THSD7B: variants seen among roughly 807,000 people sequenced by gnomAD.
THSD7B encodes the protein thrombospondin type 1 domain containing 7B.
Under a neutral mutation model 213.6 loss-of-function variants are expected in THSD7B, and 138 were observed. That is an observed-to-expected ratio of 0.65 (90% CI 0.56 to 0.74). The LOEUF (loss-of-function observed/expected upper bound fraction) is 0.74, where lower values mean the gene tolerates loss of function less well. Ranked by LOEUF, THSD7B falls within the 30% of genes least tolerant of loss-of-function variation. The probability of loss-of-function intolerance (pLI) is 0.00; values close to 1 mark genes in which losing one functional copy is unlikely to be tolerated. For missense variants in THSD7B, 1,931 were observed against 1,991.5 expected, an observed-to-expected ratio of 0.97 and a Z score of 0.58; for synonymous variants, 742 against 687.0, an observed-to-expected ratio of 1.08 and a Z score of -1.25.
intron 7 of THSD7B, among the ~76,000 whole-genome samples, chr2:137,185,602 C>A (rs1452077353): frequency 6.6e-6 from 1 of 152,134 alleles, no homozygotes; most frequent in Non-Finnish European, 1.5e-5. Context: ...CATAGTATTC[C>A]ATGATGTATA....
chr2:136,944,849 C>T (rs1182408911), intron 2 of THSD7B, among the ~76,000 whole-genome samples: 2 of 151,900 alleles, frequency 1.3e-5, no homozygotes, highest in Non-Finnish European at 2.9e-5. Flanking sequence ...TCCAATTTGC[C>T]AGTCTGTGTC....
chr2:137,083,440 C>T (rs1416310933), intron 3 of THSD7B, among the ~76,000 whole-genome samples: 1 of 152,100 alleles, frequency 6.6e-6, no homozygotes, highest in Admixed American at 6.5e-5. Flanking sequence ...TGTTAAATTT[C>T]ACATTGCAGA....
chr2:136,923,786 A>AT (rs1202453437), intron 2 of THSD7B, among the ~76,000 whole-genome samples: 1 of 152,008 alleles, frequency 6.6e-6, no homozygotes, highest in Non-Finnish European at 1.5e-5. Flanking sequence ...TTCTTTACCT[A>AT]TTTTTTAATA....
rs533414914 is a variant in THSD7B at position 137,063,727 on chromosome 2, T to A, written c.950+6497T>A. Among the ~76,000 whole-genome samples the A allele has an allele frequency of 2.6e-5, 4 of 152,206 alleles. No homozygotes were observed. The East Asian group carries it at 5.8e-4, about 22-fold the overall frequency. ...GCCTCTATTCTCTAGCTCCATGAGT[T>A]CAATTGTTTTAATTTTTCGTTGTCA... On this transcript the variant is annotated intron_variant, in intron 3 of 27. Coordinates refer to ENST00000409968, the MANE Select transcript of THSD7B (RefSeq NM_001316349.2).
At chr2:136,921,647 A>G (rs1202586955) in intron 2 of THSD7B, among the ~76,000 whole-genome samples, 3 of 152,172 alleles carry the variant, frequency 2.0e-5, no homozygotes, top group Non-Finnish European at 4.4e-5. Context: ...CTTGATTTTC[A>G]AGGTGTTTTA....
chr2:137,297,752 C>T (rs1683501384), intron 12 of THSD7B, among the ~76,000 whole-genome samples: 1 of 152,010 alleles, frequency 6.6e-6, no homozygotes, highest in South Asian at 2.1e-4. Context: ...GATGGGTTTA[C>T]CAGGGGTTTC....
At chr2:137,547,004 C>T (rs1023095131) in intron 15 of THSD7B, among the ~76,000 whole-genome samples, 2 of 151,954 alleles carry the variant, frequency 1.3e-5, no homozygotes, top group African/African-American at 4.8e-5. Flanking sequence ...TTTGTCTGTT[C>T]CTCACTGTCT....
intron 10 of THSD7B, among the ~76,000 whole-genome samples, chr2:137,254,798 T>C (rs936261567): frequency 2.6e-5 from 4 of 152,158 alleles, no homozygotes; most frequent in African/African-American, 9.7e-5. Context: ...GTAGGATTCA[T>C]GACTATTTAA....
chr2:136,773,723 T>C (rs1009150932), intron 1 of THSD7B, among the ~76,000 whole-genome samples: 3 of 152,094 alleles, frequency 2.0e-5, no homozygotes, highest in African/African-American at 7.2e-5. Flanking sequence ...TATTAACGAC[T>C]CTACCCTACT....
At chr2:137,143,220 A>G (rs1421852912) in intron 5 of THSD7B, among the ~76,000 whole-genome samples, 1 of 152,128 alleles carries the variant, frequency 6.6e-6, no homozygotes, top group Non-Finnish European at 1.5e-5. Flanking sequence ...CCTCATACAC[A>G]ATTGGTACTA....
chr2:137,437,415 T>G (rs775868308), intron 14 of THSD7B, among the ~76,000 whole-genome samples: 12 of 152,162 alleles, frequency 7.9e-5, no homozygotes, highest in Non-Finnish European at 1.5e-4. Context: ...TGTAGAGAAA[T>G]TCCTATAAAG....
intron 2 of THSD7B, among the ~76,000 whole-genome samples, chr2:137,030,640 A>G (rs1014048943): frequency 3.1e-4 from 47 of 152,198 alleles, no homozygotes; most frequent in African/African-American, 1.1e-3. Context: ...ATGGAACTGG[A>G]GGCCATTACT....
At chr2:137,500,954 TAGAA>T (rs978539258) in intron 15 of THSD7B, among the ~76,000 whole-genome samples, 10 of 152,272 alleles carry the variant, frequency 6.6e-5, no homozygotes, top group African/African-American at 2.4e-4. Flanking sequence ...TTTTTTATAT[TAGAA>T]AGGTTTAAAT....
At chr2:137,442,846 G>A (rs145132779) in intron 14 of THSD7B, among the ~76,000 whole-genome samples, 4 of 152,222 alleles carry the variant, frequency 2.6e-5, no homozygotes, top group South Asian at 2.1e-4. Context: ...GTAGTTTAAG[G>A]TGAAATTCTC....
At chr2:136,795,891 C>A (rs563093854) in intron 1 of THSD7B, among the ~76,000 whole-genome samples, 6 of 151,942 alleles carry the variant, frequency 3.9e-5, no homozygotes, top group Admixed American at 6.6e-5. Context: ...TTAGTTTTAT[C>A]ATATACATTT....
Position 137,293,070 on chromosome 2 carries a change from G to A in THSD7B, c.2500+17044G>A, listed in dbSNP as rs181632115. Among the ~76,000 whole-genome samples the A allele has an allele frequency of 7.9e-5, 12 of 152,158 alleles. No individual in the cohort carries two copies. In the East Asian group the frequency reaches 2.1e-3, roughly 27 times the overall value. The stretch of plus-strand genomic sequence containing the variant: ...CTGGATTTTGAATATTAAATTGAGT[G>A]GGCCCAGGTGGTACTTTTCATCAAA... On this transcript the variant is annotated intron_variant, in intron 12 of 27. Transcript: ENST00000409968.
intron 3 of THSD7B, among the ~76,000 whole-genome samples, chr2:137,092,374 A>G (rs1373001577): frequency 6.6e-6 from 1 of 152,072 alleles, no homozygotes; most frequent in Non-Finnish European, 1.5e-5. Flanking sequence ...TGATTCCACT[A>G]TTGCACCCAG....
chr2:136,854,416 T>C (rs1683148136), intron 1 of THSD7B, among the ~76,000 whole-genome samples: 1 of 152,048 alleles, frequency 6.6e-6, no homozygotes, highest in Non-Finnish European at 1.5e-5. Context: ...TAGATTTACT[T>C]CTTTGCTTCA....
intron 14 of THSD7B, among the ~76,000 whole-genome samples, chr2:137,417,624 G>A (rs972536471): frequency 6.6e-6 from 1 of 151,838 alleles, no homozygotes; most frequent in Non-Finnish European, 1.5e-5. Flanking sequence ...GTAGAGTTGA[G>A]GTCTCCCTAT....
Sources: allele counts gnomAD v4.1 joint callset (sites outside exome capture counted in the v4.1 genomes callset), GRCh38; gene constraint gnomAD v4.1.1; transcripts MANE v1.5; gene names NCBI Gene and HGNC (gene_info 2026-07-23, HGNC 2026-07-21).